UBE2E1: variants seen among roughly 807,000 people sequenced by gnomAD.
UBE2E1 encodes ubiquitin conjugating enzyme E2 E1.
UBE2E1 carries 6 observed loss-of-function variants against 21.4 expected under a neutral mutation model. The ratio of observed to expected loss-of-function variants is 0.28; its 90% confidence interval spans 0.15 to 0.55. UBE2E1 has a LOEUF of 0.55. Ranked by LOEUF, UBE2E1 falls within the 20% of genes least tolerant of loss-of-function variation. The probability of loss-of-function intolerance (pLI) is 0.93; values close to 1 mark genes in which losing one functional copy is unlikely to be tolerated. For missense variants in UBE2E1, 142 were observed against 236.5 expected (o/e 0.60, Z 2.62); for synonymous variants, 87 against 82.7 (o/e 1.05, Z -0.28).
At chr3:23,858,112 G>T (rs954740888) in intron 3 of UBE2E1, among the ~76,000 whole-genome samples, 1 of 152,134 alleles carries the variant, frequency 6.6e-6, no homozygotes, top group East Asian at 1.9e-4. Context: ...AACCTCAGGC[G>T]CTTTCCCTGC....
intron 3 of UBE2E1, among the ~76,000 whole-genome samples, chr3:23,840,163 A>G (rs996459448): frequency 3.9e-5 from 6 of 152,088 alleles, no homozygotes; most frequent in South Asian, 4.1e-4. Flanking sequence ...TATAATTTCT[A>G]TGAGTCCACT....
Position 23,811,349 on chromosome 3 carries a change from T to G in UBE2E1, c.153-111T>G. 5.0e-6 allele frequency: 5 copies of G among 1,005,366 alleles called. No individual in the cohort carries two copies. In the South Asian group the frequency reaches 6.5e-5, roughly 13 times the overall value. The allele number at this position is 1,005,366 out of a possible 1,614,324, so 62.3% of individuals were successfully genotyped here. A position where few individuals can be genotyped will look rare whatever the true frequency, so the allele number is the denominator to read the frequency against. The stretch of plus-strand genomic sequence containing the variant: ...TGATGTGTAGTTCCTCTTTGCCCAG[T>G]AGAATCCAGTGATCGCGCTTAGGTT... On this transcript the variant is annotated intron_variant, in intron 2 of 5. Transcript: ENST00000306627.
intron 3 of UBE2E1, among the ~76,000 whole-genome samples, chr3:23,840,561 C>T (rs1220352710): frequency 6.6e-6 from 1 of 152,186 alleles, no homozygotes; most frequent in Admixed American, 6.5e-5. Context: ...TGAGGCATCA[C>T]CATTCTGAGT....
In UBE2E1 at chr3:23,842,898, G is replaced by C. The variant is rs1700125689; in HGVS notation, c.203+31388G>C. On this transcript the variant is annotated intron_variant, in intron 3 of 5. Transcript: ENST00000306627. The surrounding 1 kb of genome is among the most constrained non-coding windows in gnomAD (Gnocchi z 4.6). Reference sequence around the variant, plus strand: ...CTATAACCTCTGAGGGCAAGGGCTTGTTTTATTTGAATAAAGAACCCTATA... The same window carrying C: ...CTATAACCTCTGAGGGCAAGGGCTTCTTTTATTTGAATAAAGAACCCTATA... Among the ~76,000 whole-genome samples, 1 of 152,002 alleles carries C rather than the reference G, an allele frequency of 6.6e-6. No individual in the cohort carries two copies. Among genetic ancestry groups the C allele is most frequent in the African/African-American group, 2.4e-5 (1 of 41,372 alleles).
intron 3 of UBE2E1, among the ~76,000 whole-genome samples, chr3:23,826,578 C>T (rs1029491121): frequency 2.6e-5 from 4 of 152,162 alleles, no homozygotes; most frequent in Admixed American, 1.3e-4. Flanking sequence ...CAGAACTCCT[C>T]CCAGCCCTCA....
intron 3 of UBE2E1, among the ~76,000 whole-genome samples, chr3:23,868,809 C>T (rs1442033591): frequency 5.9e-5 from 9 of 151,544 alleles, no homozygotes; most frequent in Non-Finnish European, 8.8e-5. Context: ...CTATTAAGTT[C>T]GGGTATATTT....
rs752912233 is a variant in UBE2E1 at position 23,889,237 on chromosome 3, A to C, written c.462A>C (p.Ser154=). The part of the protein sequence containing the change: ...TISKVLLSIC[S]LLTDCNPADP... ...CTAAAGTCCTCCTTTCTATCTGCTC[A>C]CTTCTTACAGACTGTAATCCTGGTA... Residue 154 remains serine, a synonymous_variant, in exon 5 of 6, where the codon TCA becomes TCC. Transcript: ENST00000306627. 1 of 1,613,780 alleles carries C rather than the reference A, an allele frequency of 6.2e-7. No homozygotes were observed. Among genetic ancestry groups the C allele is most frequent in the East Asian group, 2.2e-5 (1 of 44,844 alleles).
In UBE2E1 at chr3:23,849,420, A is replaced by T. The variant is rs1700275262; in HGVS notation, c.203+37910A>T. Among the ~76,000 whole-genome samples, 7 of 152,338 alleles carry T rather than the reference A, an allele frequency of 4.6e-5. No homozygotes were observed. In the South Asian group the frequency reaches 1.4e-3, roughly 32 times the overall value. ...TTTGTTACATAGGTATACATGTGCCATGGTGATTTGCTGCACCTATCAACC... is the reference window on the plus strand; with the variant it reads ...TTTGTTACATAGGTATACATGTGCCTTGGTGATTTGCTGCACCTATCAACC... On this transcript the variant is annotated intron_variant, in intron 3 of 5. Transcript: ENST00000306627.
At chr3:23,877,359 G>A (rs1700938801) in intron 3 of UBE2E1, among the ~76,000 whole-genome samples, 1 of 152,160 alleles carries the variant, frequency 6.6e-6, no homozygotes, top group Non-Finnish European at 1.5e-5. Flanking sequence ...CTGGGATTCA[G>A]ATTGAAGCTC....
Position 23,807,356 on chromosome 3 carries a change from C to G in UBE2E1, c.87C>G (p.Pro29=). Residue 29 remains proline (P), a synonymous_variant, in exon 2 of 6, where the codon CCC becomes CCG. Coordinates refer to ENST00000306627, the MANE Select transcript of UBE2E1 (RefSeq NM_003341.5). ...AAACCGAGAAAGAAACAAACACCCC[C>G]AAGAAGAAGGAGAGTAAAGTCAGCA... ...NQQTEKETNT[P]KKKESKVSMS... 1 of 1,613,936 alleles carries G rather than the reference C, an allele frequency of 6.2e-7. No homozygotes were observed. The highest frequency in any genetic ancestry group is 1.3e-5 in the African/African-American group (1 of 74,994).
intron 2 of UBE2E1, among the ~76,000 whole-genome samples, chr3:23,809,872 G>T (rs970497649): frequency 6.6e-6 from 1 of 152,192 alleles, no homozygotes. Flanking sequence ...AACAGCGGGA[G>T]TATGAATGTC....
At position 23,871,104 on chromosome 3, in the gene UBE2E1, G is replaced by A. The variant is rs926155968; in HGVS notation, c.204-16463G>A. 5.3e-5 allele frequency among the ~76,000 whole-genome samples: 8 copies of A among 152,036 alleles called. No homozygotes were observed. The South Asian group carries it at 1.2e-3, about 24-fold the overall frequency. On this transcript the variant is annotated intron_variant, in intron 3 of 5. Transcript: ENST00000306627. ...TTCTACACAGACACGGCAACCATCC[G>A]ATTTCTCAATCTTTTCCCCGCCTTT...
At chr3:23,855,455 C>T (rs764896780) in intron 3 of UBE2E1, among the ~76,000 whole-genome samples, 7 of 152,022 alleles carry the variant, frequency 4.6e-5, no homozygotes, top group Admixed American at 1.3e-4. Flanking sequence ...TTGTGACAGC[C>T]GTTATTAATA....
chr3:23,825,535 A>T (rs1359700980), intron 3 of UBE2E1, among the ~76,000 whole-genome samples: 1 of 152,236 alleles, frequency 6.6e-6, no homozygotes, highest in Non-Finnish European at 1.5e-5. Flanking sequence ...GTACAAAAGT[A>T]ATTTCAGAAA....
intron 3 of UBE2E1, among the ~76,000 whole-genome samples, chr3:23,834,715 C>G (rs977082302): frequency 6.6e-6 from 1 of 151,882 alleles, no homozygotes; most frequent in Non-Finnish European, 1.5e-5. Flanking sequence ...GATGACAGAG[C>G]GAGACCCCGT....
At chr3:23,832,279 G>A in intron 3 of UBE2E1, among the ~76,000 whole-genome samples, 1 of 152,230 alleles carries the variant, frequency 6.6e-6, no homozygotes. Flanking sequence ...TGTTGGAAGA[G>A]AATATACATT....
At chr3:23,838,031 A>AT (rs1469249356) in intron 3 of UBE2E1, among the ~76,000 whole-genome samples, 2 of 152,052 alleles carry the variant, frequency 1.3e-5, no homozygotes, top group Non-Finnish European at 2.9e-5. Flanking sequence ...GGACTTTAAA[A>AT]ATATATAATA....
At chr3:23,820,536 G>C (rs759077897) in intron 3 of UBE2E1, among the ~76,000 whole-genome samples, 6 of 152,160 alleles carry the variant, frequency 3.9e-5, no homozygotes, top group Non-Finnish European at 7.3e-5. Context: ...TTTTGCTACA[G>C]TGACAGCAAA....
In UBE2E1 at chr3:23,876,939, G is replaced by A. The variant is rs566792539; in HGVS notation, c.204-10628G>A. On this transcript the variant is annotated intron_variant, in intron 3 of 5. Transcript: ENST00000306627. This position sits in a 1 kb window ranked among gnomAD's most constrained non-coding sequence, Gnocchi z 4.3. ...CACGCCTGTAATCCTAGCAACTCAG[G>A]AGGCTGAGATGGAAGGATCACTTGA... Among the ~76,000 whole-genome samples, 135 of 152,314 alleles carry A rather than the reference G, an allele frequency of 8.9e-4. No homozygotes were observed. The highest frequency in any genetic ancestry group is 3.1e-3 in the African/African-American group (128 of 41,568).
Sources: allele counts gnomAD v4.1 joint callset (sites outside exome capture counted in the v4.1 genomes callset), GRCh38; gene constraint gnomAD v4.1.1; non-coding constraint Gnocchi (gnomAD v3.1); transcripts MANE v1.5; gene names NCBI Gene and HGNC (gene_info 2026-07-23, HGNC 2026-07-21).